P4HA2: variants seen among roughly 807,000 people sequenced by gnomAD.
P4HA2 encodes the protein prolyl 4-hydroxylase subunit alpha 2, also known as prolyl 4-hydroxylase subunit alpha-2.
P4HA2 carries 46 observed loss-of-function variants against 76.9 expected under a neutral mutation model. That is an observed-to-expected ratio of 0.60 (90% CI 0.47 to 0.76). The LOEUF (loss-of-function observed/expected upper bound fraction) is 0.76, where lower values mean the gene tolerates loss of function less well. P4HA2 is among the 30% of genes least tolerant of loss of function. The pLI, the probability that P4HA2 is intolerant of heterozygous loss-of-function variation, is 0.00. For synonymous variants in P4HA2, 243 were observed against 254.0 expected (o/e 0.96, Z 0.41); for missense variants, 583 against 669.4 (o/e 0.87, Z 1.42).
intron 1 of P4HA2, among the ~76,000 whole-genome samples, chr5:132,219,764 C>T (rs533333096): frequency 5.9e-5 from 9 of 152,108 alleles, no homozygotes; most frequent in African/African-American, 1.4e-4. Flanking sequence ...TAAGATAATG[C>T]CAGTTCATCA....
At chr5:132,204,234 C>T in intron 8 of P4HA2, 82 bp from the exon 9 acceptor site, 1 of 1,093,254 alleles carries the variant, frequency 9.1e-7, no homozygotes, top group Non-Finnish European at 1.4e-6. Flanking sequence ...AGCACTGGGA[C>T]CAGATTTACT....
intron 8 of P4HA2, among the ~76,000 whole-genome samples, chr5:132,206,776 G>C (rs141123398): frequency 5.5e-4 from 83 of 152,230 alleles, no homozygotes; most frequent in Middle Eastern, 3.4e-3. Context: ...TAGAAGTTCT[G>C]GGCAATTCAA....
chr5:132,206,677 C>T (rs1752252128), intron 8 of P4HA2, among the ~76,000 whole-genome samples: 1 of 152,150 alleles, frequency 6.6e-6, no homozygotes, highest in Admixed American at 6.5e-5. Context: ...AAACCAACAG[C>T]CAACTGCATT....
intron 5 of P4HA2, 112 bp downstream of exon 5, chr5:132,213,804 G>T (rs1419436445): frequency 6.3e-6 from 6 of 953,406 alleles, no homozygotes; most frequent in Non-Finnish European, 9.7e-6. Context: ...GAGCCAAGAG[G>T]TGCACCAGAG....
chr5:132,210,125 G>A (rs1752862758), intron 6 of P4HA2, among the ~76,000 whole-genome samples, 159 bp downstream of exon 6: 2 of 152,248 alleles, frequency 1.3e-5, no homozygotes, highest in Admixed American at 1.3e-4. Context: ...GAGCTAGTAA[G>A]AAGCTGGACT....
At chr5:132,197,557 G>A (rs551662850) in intron 12 of P4HA2, among the ~76,000 whole-genome samples, 6 of 139,758 alleles carry the variant, frequency 4.3e-5, no homozygotes, top group African/African-American at 1.7e-4. Flanking sequence ...GCAGTGAGCC[G>A]AGATCCCACC....
At position 132,207,845 on chromosome 5, in the gene P4HA2, G is replaced by C. The variant is rs1399521655; in HGVS notation, c.943C>G (p.His315Asp). 6.2e-7 allele frequency: 1 copy of C among 1,602,716 alleles called. No homozygotes were observed. Among genetic ancestry groups the C allele is most frequent in the East Asian group, 2.2e-5 (1 of 44,682 alleles). The change falls in exon 8 of 15, where the codon CAT becomes GAT. Residue 315 changes from histidine to aspartate, a missense_variant. Transcript: ENST00000360568. The part of the protein sequence containing the change: ...RQKRLFCRYH[H>D]GNRAPQLLIA... ...AGCAGCTGTGGGGCCCTGTTGCCAT[G>C]GTGGTACCTACAGAAAAGCCTCTTC...
intron 5 of P4HA2, among the ~76,000 whole-genome samples, chr5:132,212,477 A>G (rs774903798): frequency 6.6e-6 from 1 of 152,182 alleles, no homozygotes; most frequent in Non-Finnish European, 1.5e-5. Flanking sequence ...AGGCAGCCAG[A>G]GGATGGAGGT....
chr5:132,194,038 A>G (rs1244529435), intron 14 of P4HA2, among the ~76,000 whole-genome samples: 1 of 152,190 alleles, frequency 6.6e-6, no homozygotes, highest in Non-Finnish European at 1.5e-5. Flanking sequence ...ATTTTTCTAG[A>G]TAAGATGCTT....
chr5:132,203,114 C>T (rs965999284), intron 10 of P4HA2, among the ~76,000 whole-genome samples: 62 of 152,244 alleles, frequency 4.1e-4, no homozygotes, highest in African/African-American at 1.4e-3. Context: ...CACACTCTGA[C>T]TCCCTCACTG....
chr5:132,199,336 G>A (rs1751161686), intron 10 of P4HA2: 2 of 185,702 alleles, frequency 1.1e-5, no homozygotes, highest in African/African-American at 2.3e-5. Context: ...AATTTAAGAC[G>A]AGGATTTTCT....
intron 3 of P4HA2, 94 bp downstream of exon 3, chr5:132,217,658 G>A (rs1328446261): frequency 5.9e-6 from 5 of 846,060 alleles, no homozygotes; most frequent in South Asian, 4.1e-5. Flanking sequence ...CCTCTCAAAG[G>A]TTTCCTCTTA....
intron 6 of P4HA2, among the ~76,000 whole-genome samples, chr5:132,209,693 T>C (rs1752780458): frequency 1.4e-5 from 2 of 141,168 alleles, no homozygotes; most frequent in African/African-American, 2.7e-5. Flanking sequence ...GAAAATCTCA[T>C]CAACCCGGGA....
At chr5:132,212,950 T>C (rs1753291033) in intron 5 of P4HA2, among the ~76,000 whole-genome samples, 1 of 152,206 alleles carries the variant, frequency 6.6e-6, no homozygotes, top group African/African-American at 2.4e-5. Flanking sequence ...GCTGAGGTTC[T>C]GGAGCTGGAA....
In P4HA2 at chr5:132,217,243, T is replaced by C; in HGVS notation, c.285A>G (p.Thr95=). The change falls in exon 4 of 15, where the codon ACA becomes ACG. Residue 95 remains threonine, a synonymous_variant. Coordinates refer to ENST00000360568, the MANE Select transcript of P4HA2 (RefSeq NM_001017974.2). ...NAYKLVKRLN[T]DWPALEDLVL... Reference sequence around the variant, plus strand: ...CAAGGTCCTCCAGCGCAGGCCAGTCTGTGTTTAGCCGCTTCACCAGTTTGT... The same window carrying C: ...CAAGGTCCTCCAGCGCAGGCCAGTCCGTGTTTAGCCGCTTCACCAGTTTGT... 1 of 1,614,210 alleles carries C rather than the reference T, an allele frequency of 6.2e-7. No individual in the cohort carries two copies.
At chr5:132,224,655 C>A (rs942340274) in intron 1 of P4HA2, among the ~76,000 whole-genome samples, 1 of 152,202 alleles carries the variant, frequency 6.6e-6, no homozygotes, top group South Asian at 2.1e-4. Flanking sequence ...CAGGGGATAA[C>A]CCTGGAACTG....
Position 132,217,808 on chromosome 5 carries a change from C to A in P4HA2, c.123G>T (p.Val41=), listed in dbSNP as rs757330321. The A allele has an allele frequency of 6.2e-7, 1 of 1,613,070 alleles. No individual in the cohort carries two copies. Among genetic ancestry groups the A allele is most frequent in the Non-Finnish European group, 8.5e-7 (1 of 1,179,218 alleles). ...CAAGGATGTACTCTTTCAGAGACTGCACCAGCTCTTTCTCTGCATAAATCA... is the reference window on the plus strand; with the variant it reads ...CAAGGATGTACTCTTTCAGAGACTGAACCAGCTCTTTCTCTGCATAAATCA... ...TDLIYAEKEL[V]QSLKEYILVE... The change falls in exon 3 of 15, where the codon GTG becomes GTT. Residue 41 remains valine, a synonymous_variant. Transcript: ENST00000360568.
chr5:132,220,515 G>C (rs1754519525), intron 1 of P4HA2, among the ~76,000 whole-genome samples: 1 of 152,226 alleles, frequency 6.6e-6, no homozygotes, highest in African/African-American at 2.4e-5. Context: ...TCTCTACCCA[G>C]GTGTGTCTCC....
rs549317882 is a variant in P4HA2, at chr5:132,211,532, C to T, written c.470-1009G>A. ...TAAATGCTTCAGAGACCAGGGTCTG[C>T]TAACCCCGGTGGCTCAGGAACCAAT... On this transcript the variant is annotated intron_variant, in intron 5 of 14. Transcript: ENST00000360568. Among the ~76,000 whole-genome samples, 5 of 152,312 alleles carry T rather than the reference C, an allele frequency of 3.3e-5. No homozygotes were observed. In the South Asian group the frequency reaches 1.0e-3, roughly 32 times the overall value.
Sources: allele counts gnomAD v4.1 joint callset (sites outside exome capture counted in the v4.1 genomes callset), GRCh38; gene constraint gnomAD v4.1.1; transcripts MANE v1.5; gene names NCBI Gene and HGNC (gene_info 2026-07-23, HGNC 2026-07-21).